DOCK4: variants seen among roughly 807,000 people sequenced by gnomAD.
DOCK4 encodes the protein dedicator of cytokinesis protein 4.
Under a neutral mutation model 268.1 loss-of-function variants are expected in DOCK4, and 97 were observed. That is an observed-to-expected ratio of 0.36 (90% confidence interval 0.31 to 0.43). The LOEUF (loss-of-function observed/expected upper bound fraction) is 0.43. Among genes scored for constraint, DOCK4 ranks in the 20% least tolerant of loss-of-function variants. The probability of loss-of-function intolerance (pLI) is 1.00; values close to 1 mark genes in which losing one functional copy is unlikely to be tolerated. For missense variants in DOCK4, 2,145 were observed against 2,455.7 expected (o/e 0.87, Z 2.67); for synonymous variants, 954 against 887.2 (o/e 1.08, Z -1.34).
intron 1 of DOCK4, among the ~76,000 whole-genome samples, chr7:112,079,465 T>C (rs1463174716): frequency 2.6e-5 from 4 of 152,214 alleles, no homozygotes; most frequent in Non-Finnish European, 4.4e-5. Context: ...AAAATCCTGC[T>C]GTACTCTACT....
intron 3 of DOCK4, among the ~76,000 whole-genome samples, chr7:111,999,695 G>A (rs1300617854): frequency 1.3e-5 from 2 of 151,472 alleles, no homozygotes; most frequent in Non-Finnish European, 2.9e-5. Context: ...CCAGAAAATG[G>A]CATATTTAAG....
At chr7:112,065,437 T>G (rs1017322936) in intron 1 of DOCK4, among the ~76,000 whole-genome samples, 2 of 151,712 alleles carry the variant, frequency 1.3e-5, no homozygotes, top group African/African-American at 4.8e-5. Context: ...TTACCACAAT[T>G]TTAATTATTA....
chr7:112,100,114 T>A (rs910482865), intron 1 of DOCK4, among the ~76,000 whole-genome samples: 1 of 152,232 alleles, frequency 6.6e-6, no homozygotes, highest in Non-Finnish European at 1.5e-5. Context: ...ATGCTAACTA[T>A]CATACCTCCT....
At chr7:112,078,502 C>T (rs577343644) in intron 1 of DOCK4, among the ~76,000 whole-genome samples, 3 of 152,080 alleles carry the variant, frequency 2.0e-5, no homozygotes, top group South Asian at 2.1e-4. Context: ...CATAGAGAGA[C>T]GATTTAGGAA....
chr7:111,931,876 C>T (rs1488429532), intron 12 of DOCK4, among the ~76,000 whole-genome samples: 1 of 152,050 alleles, frequency 6.6e-6, no homozygotes, highest in African/African-American at 2.4e-5. Context: ...TCCCAATATC[C>T]CTTAGAGGAT....
chr7:112,149,596 G>T (rs1356852129), intron 1 of DOCK4, among the ~76,000 whole-genome samples: 10 of 151,738 alleles, frequency 6.6e-5, no homozygotes, highest in Admixed American at 5.9e-4. Flanking sequence ...GACTATCAAA[G>T]AAGAGAAGAT....
chr7:111,973,187 A>C (rs1325668602), intron 8 of DOCK4, among the ~76,000 whole-genome samples: 3 of 133,056 alleles, frequency 2.3e-5, no homozygotes, highest in Non-Finnish European at 4.9e-5. Flanking sequence ...ATATATATAT[A>C]ATATTTTCTT....
intron 23 of DOCK4, among the ~76,000 whole-genome samples, chr7:111,850,480 A>C (rs1405071643): frequency 6.6e-6 from 1 of 152,138 alleles, no homozygotes; most frequent in African/African-American, 2.4e-5. Context: ...CACCTTGAAA[A>C]AAGCCTGACG....
chr7:111,735,090 T>A lies in DOCK4; in HGVS notation c.5383A>T (p.Ile1795Phe), dbSNP rs199565386. 4.4e-6 allele frequency: 7 copies of A among 1,600,402 alleles called. No individual in the cohort carries two copies. Among genetic ancestry groups the A allele is most frequent in the Non-Finnish European group, 6.0e-6 (7 of 1,173,394 alleles). The change falls in exon 51 of 53, where the codon ATC (isoleucine) becomes TTC (phenylalanine). Residue 1795 changes from isoleucine (I) to phenylalanine (F), a missense_variant. Physicochemically the swap from Ile to Phe is conservative, Grantham distance 21 (BLOSUM62 0). Around this residue, in one of 2 missense-constraint regions of DOCK4, gnomAD observed 547 missense variants for 469.0 expected, o/e 1.17. Transcript: ENST00000428084. ...GGTCTTGGAGGGACAGGGGGAGAGA[T>A]AAGTTTCCCACTATCCGACATGTTC... ...AKNMSDSGKL[I>F]SPPVPPRPTQ...
At chr7:112,118,342 C>T (rs1032883179) in intron 1 of DOCK4, among the ~76,000 whole-genome samples, 1 of 152,020 alleles carries the variant, frequency 6.6e-6, no homozygotes, top group African/African-American at 2.4e-5. Context: ...TCATACTTAA[C>T]AAGATTTAAT....
At chr7:112,117,563 G>A (rs533515490) in intron 1 of DOCK4, among the ~76,000 whole-genome samples, 2 of 152,226 alleles carry the variant, frequency 1.3e-5, no homozygotes, top group South Asian at 4.1e-4. Flanking sequence ...TAGAGACAGG[G>A]TTTCACCATG....
chr7:111,804,054 G>C (rs1027966145), intron 30 of DOCK4, among the ~76,000 whole-genome samples: 3 of 152,118 alleles, frequency 2.0e-5, no homozygotes, highest in Non-Finnish European at 4.4e-5. Context: ...ATTAACAATA[G>C]AATTCCCATA....
chr7:111,823,299 C>T (rs370913026), intron 26 of DOCK4, among the ~76,000 whole-genome samples: 64 of 150,778 alleles, frequency 4.2e-4, no homozygotes, highest in African/African-American at 1.4e-3. Flanking sequence ...CTCCACCTCC[C>T]GGGTTCAAGC....
intron 1 of DOCK4, among the ~76,000 whole-genome samples, chr7:112,193,166 A>T (rs1820127004): frequency 6.6e-6 from 1 of 152,192 alleles, no homozygotes; most frequent in Non-Finnish European, 1.5e-5. Flanking sequence ...GAAGCATCTG[A>T]AGACTCTACC....
intron 24 of DOCK4, 25 bp downstream of exon 24, chr7:111,846,974 T>A (rs746518924): frequency 2.5e-6 from 4 of 1,611,366 alleles, no homozygotes; most frequent in Non-Finnish European, 3.4e-6. Flanking sequence ...AAGGGAGCTA[T>A]ATACTATGAC....
intron 1 of DOCK4, among the ~76,000 whole-genome samples, chr7:112,123,347 CA>C (rs1812916396): frequency 2.0e-5 from 3 of 152,152 alleles, no homozygotes; most frequent in Non-Finnish European, 4.4e-5. Flanking sequence ...TTCAGTTCAG[CA>C]TGTCAAAGTG....
chr7:111,732,452 A>G (rs1215436222), intron 51 of DOCK4, 165 bp from the exon 52 acceptor site: 7 of 655,152 alleles, frequency 1.1e-5, no homozygotes. Context: ...ATGCCTGTCT[A>G]GAATGGGTTC....
At position 111,864,422 on chromosome 7, in the gene DOCK4, C is replaced by G. The variant is rs573360440; in HGVS notation, c.2281-858G>C. ...AAGAGTCGACTAGCTTCAACTGTACCTAGTCAGGGAAGGAGGCACGAGTTT... is the reference window on the plus strand; with the variant it reads ...AAGAGTCGACTAGCTTCAACTGTACGTAGTCAGGGAAGGAGGCACGAGTTT... On this transcript the variant is annotated intron_variant, in intron 22 of 52. Coordinates refer to ENST00000428084, the MANE Select transcript of DOCK4 (RefSeq NM_001363540.2). Among the ~76,000 whole-genome samples the G allele has an allele frequency of 4.8e-4, 73 of 152,212 alleles. 1 individual carries two copies. Among genetic ancestry groups the G allele is most frequent in the African/African-American group, 1.7e-3 (70 of 41,514 alleles).
At chr7:111,766,444 G>A (rs1366704097) in intron 38 of DOCK4, among the ~76,000 whole-genome samples, 1 of 152,156 alleles carries the variant, frequency 6.6e-6, no homozygotes, top group Non-Finnish European at 1.5e-5. Context: ...AAACGTTCAT[G>A]TTGCTCAAGA....
Sources: gnomAD v4.1 joint callset for allele counts (sites outside exome capture counted in the v4.1 genomes callset) on GRCh38, gnomAD v4.1.1 for gene constraint, gnomAD v4.1.1 regional missense constraint, MANE v1.5 for transcripts, NCBI Gene and HGNC (gene_info 2026-07-23, HGNC 2026-07-21) for gene names.